The following SAMSN1 variants were observed in gnomAD, a reference collection of about 807,000 sequenced individuals.
SAMSN1 encodes SAM domain-containing protein SAMSN-1.
A neutral mutation model predicts 42.0 loss-of-function variants in SAMSN1; 31 were observed. That is an observed-to-expected ratio of 0.74 (90% CI 0.55 to 1.00). SAMSN1 has a LOEUF of 1.00. Ranked by LOEUF, SAMSN1 falls within the 50% of genes least tolerant of loss-of-function variation. SAMSN1 has a pLI of 0.00. For synonymous variants in SAMSN1, 178 were observed against 151.9 expected, an observed-to-expected ratio of 1.17 and a Z score of -1.26; for missense variants, 464 against 439.4, an observed-to-expected ratio of 1.06 and a Z score of -0.50.
intron 7 of SAMSN1, among the ~76,000 whole-genome samples, chr21:14,491,684 G>T (rs1480470048): frequency 6.6e-6 from 1 of 151,790 alleles, no homozygotes; most frequent in Non-Finnish European, 1.5e-5. Flanking sequence ...TGCATCTTTG[G>T]GTCTTCATTT....
At chr21:14,575,132 G>A (rs1054077629) in intron 2 of SAMSN1, among the ~76,000 whole-genome samples, 5 of 152,062 alleles carry the variant, frequency 3.3e-5, no homozygotes, top group African/African-American at 4.8e-5. Context: ...GGCACCTTAC[G>A]TGACTTTGCT....
In SAMSN1 at chr21:14,489,631, A is replaced by G. The variant is rs191089801; in HGVS notation, c.920-3517T>C. On this transcript the variant is annotated intron_variant, in intron 7 of 7. Coordinates refer to ENST00000400566, the MANE Select transcript of SAMSN1 (RefSeq NM_022136.5). The stretch of plus-strand genomic sequence containing the variant: ...ATTGCTGCCAGCTGACAGCAGGCAT[A>G]CTAGGAACTCCAGAAAGCTGTATAA... Among the ~76,000 whole-genome samples, 529 of 152,296 alleles carry G rather than the reference A, an allele frequency of 3.5e-3. 7 individuals carry two copies. Among genetic ancestry groups the G allele is most frequent in the Middle Eastern group, 6.8e-3 (2 of 294 alleles).
chr21:14,642,927 T>C (rs1600981040), intron 2 of SAMSN1: 1 of 675,230 alleles, frequency 1.5e-6, no homozygotes. Flanking sequence ...GCTGTATTAA[T>C]AAGTATCATT....
At chr21:14,617,186 T>C (rs978257212) in intron 2 of SAMSN1, among the ~76,000 whole-genome samples, 10 of 152,218 alleles carry the variant, frequency 6.6e-5, no homozygotes, top group Non-Finnish European at 5.9e-5. Flanking sequence ...AGTAAGGATG[T>C]GGGAAGCATG....
intron 5 of SAMSN1, among the ~76,000 whole-genome samples, chr21:14,509,337 G>T (rs1987572435): frequency 6.6e-6 from 1 of 152,142 alleles, no homozygotes; most frequent in Non-Finnish European, 1.5e-5. Flanking sequence ...TCACTCATAA[G>T]CAAGAGCTAA....
intron 2 of SAMSN1, among the ~76,000 whole-genome samples, chr21:14,569,509 T>C (rs1245569337): frequency 6.6e-6 from 1 of 152,124 alleles, no homozygotes; most frequent in African/African-American, 2.4e-5. Context: ...TCTGCTTTTT[T>C]GATAGATTTT....
intron 7 of SAMSN1, among the ~76,000 whole-genome samples, chr21:14,490,223 AT>A (rs1306026688): frequency 1.3e-5 from 2 of 152,150 alleles, no homozygotes; most frequent in Non-Finnish European, 2.9e-5. Context: ...TCAATAAATA[AT>A]TTTTTAATAA....
At position 14,499,406 on chromosome 21, in the gene SAMSN1, T is replaced by C. The variant is rs151223897; in HGVS notation, c.769-814A>G. ...TATTTTACTTGCTCTAATTTCAATA[T>C]CCTTATTTTAATTACTAAAATAGAA... is the stretch of plus-strand genomic sequence containing the variant. On this transcript the variant is annotated intron_variant, in intron 6 of 7. Transcript: ENST00000400566. Among the ~76,000 whole-genome samples, 200 of 151,330 alleles carry C rather than the reference T, an allele frequency of 1.3e-3. 4 individuals are homozygous for C. The East Asian group carries it at 0.027, about 20-fold the overall frequency.
At chr21:14,603,624 T>C (rs943848902) in intron 5 of SAMSN1, among the ~76,000 whole-genome samples, 7 of 152,152 alleles carry the variant, frequency 4.6e-5, no homozygotes, top group Non-Finnish European at 1.0e-4. Flanking sequence ...CAATTCTGGA[T>C]ATAGAGTAAG....
At chr21:14,609,673 G>C (rs777524618) in intron 4 of SAMSN1, 12 of 684,612 alleles carry the variant, frequency 1.8e-5, no homozygotes, top group Non-Finnish European at 3.2e-5. Flanking sequence ...TTTGCAACTT[G>C]GTAAGTGGTA....
chr21:14,649,772 A>AAC (rs60905314), intron 1 of SAMSN1, among the ~76,000 whole-genome samples: 7,276 of 135,490 alleles, frequency 0.054, 298 homozygotes, highest in African/African-American at 0.13. Flanking sequence ...ACTGTCTCAA[A>AAC]ACACACACAC....
chr21:14,515,848 T>G (rs1987889199), intron 3 of SAMSN1, among the ~76,000 whole-genome samples: 1 of 152,172 alleles, frequency 6.6e-6, no homozygotes, highest in African/African-American at 2.4e-5. Context: ...TGAAAAACAC[T>G]TCTCCACAAA....
intron 4 of SAMSN1, among the ~76,000 whole-genome samples, chr21:14,612,037 A>G (rs1982722630): frequency 6.6e-6 from 1 of 152,186 alleles, no homozygotes; most frequent in South Asian, 2.1e-4. Context: ...GATCGAGACC[A>G]TCCTGGCCAA....
exon 2 of SAMSN1, chr21:14,643,128 G>T (rs1451903693): frequency 1.4e-6 from 1 of 717,076 alleles, no homozygotes. Flanking sequence ...TATCCATAGA[G>T]CCCTCCTGCA....
Position 14,654,570 on chromosome 21 carries a change from T to C in SAMSN1, c.24+4178A>G, listed in dbSNP as rs538717387. Among the ~76,000 whole-genome samples the C allele has an allele frequency of 5.9e-5, 9 of 152,018 alleles. No homozygotes were observed. The East Asian group carries it at 1.7e-3, about 29-fold the overall frequency. Reference sequence around the variant, plus strand: ...ATACAGGGCCTATGGTAGCAACCACTGCTATAAAAGAGGGCTGAAAAAAGC... The same window carrying C: ...ATACAGGGCCTATGGTAGCAACCACCGCTATAAAAGAGGGCTGAAAAAAGC... On this transcript the variant is annotated intron_variant, in intron 1 of 15. Coordinates refer to the SAMSN1 transcript ENST00000647101.
Position 14,539,360 on chromosome 21 carries a change from T to C in SAMSN1, c.57+6845A>G, listed in dbSNP as rs369283276. On this transcript the variant is annotated intron_variant, in intron 1 of 7. Transcript: ENST00000400566. The stretch of plus-strand genomic sequence containing the variant: ...AAAAGAGGAAGTCAAATTGCCTCTG[T>C]TTGCAGATGACATGATTGTATATCT... Among the ~76,000 whole-genome samples the C allele has an allele frequency of 2.6e-5, 4 of 152,178 alleles. No individual in the cohort carries two copies. In the South Asian group the frequency reaches 8.3e-4, roughly 32 times the overall value.
At chr21:14,608,659 C>T (rs984789343) in intron 5 of SAMSN1, among the ~76,000 whole-genome samples, 1 of 152,068 alleles carries the variant, frequency 6.6e-6, no homozygotes, top group African/African-American at 2.4e-5. Context: ...CTTGCAGCCT[C>T]GGGAGAGACT....
intron 2 of SAMSN1, among the ~76,000 whole-genome samples, chr21:14,629,831 G>A (rs1310020520): frequency 2.6e-5 from 4 of 152,088 alleles, no homozygotes; most frequent in Non-Finnish European, 5.9e-5. Flanking sequence ...GGTTACCTAG[G>A]GGATGGTTAT....
chr21:14,637,982 G>T (rs1396986035), intron 2 of SAMSN1, among the ~76,000 whole-genome samples: 1 of 152,094 alleles, frequency 6.6e-6, no homozygotes, highest in African/African-American at 2.4e-5. Context: ...TTATGATAAG[G>T]ATTAAAGATC....
Sources: gnomAD v4.1 joint callset for allele counts (sites outside exome capture counted in the v4.1 genomes callset) on GRCh38, gnomAD v4.1.1 for gene constraint, MANE v1.5 for transcripts, NCBI Gene and HGNC (gene_info 2026-07-23, HGNC 2026-07-21) for gene names.